FGF12: variants seen among roughly 807,000 people sequenced by gnomAD.
FGF12 encodes the protein fibroblast growth factor 12B.
Under a neutral mutation model 23.6 loss-of-function variants are expected in FGF12, and 14 were observed. The observed-to-expected ratio is 0.59, with a 90% CI of 0.39 to 0.93. The LOEUF (loss-of-function observed/expected upper bound fraction) is 0.93. FGF12 is among the 40% of genes least tolerant of loss of function. FGF12 has a pLI of 0.00. For synonymous variants in FGF12, 62 were observed against 77.3 expected, an observed-to-expected ratio of 0.80 and a Z score of 1.04; for missense variants, 175 against 217.8, an observed-to-expected ratio of 0.80 and a Z score of 1.24.
intron 2 of FGF12, among the ~76,000 whole-genome samples, chr3:192,675,704 A>G (rs943892738): frequency 6.6e-6 from 1 of 152,238 alleles, no homozygotes; most frequent in African/African-American, 2.4e-5. Context: ...TTGAAGAATA[A>G]TGCTCAAAGG....
chr3:192,240,139 C>T (rs1052688302), intron 4 of FGF12, among the ~76,000 whole-genome samples: 11 of 152,120 alleles, frequency 7.2e-5, no homozygotes, highest in African/African-American at 2.7e-4. Flanking sequence ...ATGCTGAAGG[C>T]TCAGAGGAAA....
chr3:192,187,919 C>T (rs370475647), intron 4 of FGF12, among the ~76,000 whole-genome samples: 13 of 152,140 alleles, frequency 8.5e-5, no homozygotes, highest in East Asian at 1.9e-4. Context: ...TACCATATCA[C>T]GGAAATAAAC....
At chr3:192,418,485 C>T (rs1721422874) in intron 2 of FGF12, among the ~76,000 whole-genome samples, 1 of 152,000 alleles carries the variant, frequency 6.6e-6, no homozygotes, top group Non-Finnish European at 1.5e-5. Context: ...CTCTGCGTTC[C>T]AATTATAGGT....
chr3:192,636,940 G>A (rs1715604830), intron 2 of FGF12, among the ~76,000 whole-genome samples: 1 of 152,152 alleles, frequency 6.6e-6, no homozygotes, highest in Non-Finnish European at 1.5e-5. Flanking sequence ...GATTAGGGAG[G>A]TGGGAGAAGG....
chr3:192,256,371 CCG>C (rs1331599111), intron 4 of FGF12, among the ~76,000 whole-genome samples: 1 of 113,504 alleles, frequency 8.8e-6, no homozygotes, highest in Non-Finnish European at 1.7e-5. Flanking sequence ...ATTACTCATA[CCG>C]CACACACACA....
At chr3:192,213,092 A>C (rs925329735) in intron 4 of FGF12, among the ~76,000 whole-genome samples, 22 of 152,234 alleles carry the variant, frequency 1.4e-4, no homozygotes, top group African/African-American at 5.3e-4. Flanking sequence ...AGTTCTGCAC[A>C]AGAAGGTTCC....
At chr3:192,372,629 C>G (rs564415833) in intron 2 of FGF12, among the ~76,000 whole-genome samples, 3 of 152,284 alleles carry the variant, frequency 2.0e-5, no homozygotes, top group African/African-American at 7.2e-5. Context: ...ATCCGCACTG[C>G]CTCCACCTTT....
At chr3:192,512,929 T>C (rs1192579811) in intron 2 of FGF12, among the ~76,000 whole-genome samples, 1 of 147,228 alleles carries the variant, frequency 6.8e-6, no homozygotes, top group Non-Finnish European at 1.5e-5. Flanking sequence ...GGTAGTGACT[T>C]ATTGAGAATG....
At position 192,267,059 on chromosome 3, in the gene FGF12, C is replaced by T. The variant is rs186673002; in HGVS notation, c.228+68302G>A. The stretch of plus-strand genomic sequence containing the variant: ...TGCTAATTTAAATTTTTGGCACCTT[C>T]GATTACATGAAATCTAAAAGATTGC... On this transcript the variant is annotated intron_variant, in intron 4 of 5. Transcript: ENST00000445105. 1.0e-3 allele frequency: 157 copies of T among 152,236 alleles called. 1 individual carries two copies. Among genetic ancestry groups the T allele is most frequent in the African/African-American group, 3.5e-3 (146 of 41,552 alleles). The allele number at this position is 152,236 out of a possible 1,614,324, so 9.4% of individuals were successfully genotyped here. A position where few individuals can be genotyped will look rare whatever the true frequency, so the allele number is the denominator to read the frequency against.
At chr3:192,259,729 C>T (rs1161248103) in intron 4 of FGF12, among the ~76,000 whole-genome samples, 1 of 151,756 alleles carries the variant, frequency 6.6e-6, no homozygotes, top group Non-Finnish European at 1.5e-5. Context: ...TTATAAGATA[C>T]AAAAAGACAA....
intron 3 of FGF12, among the ~76,000 whole-genome samples, chr3:192,350,621 G>A (rs553198550): frequency 2.6e-5 from 4 of 152,258 alleles, no homozygotes; most frequent in South Asian, 4.1e-4. Context: ...CCAGAAAGAG[G>A]GGGATAGCTG....
chr3:192,194,287 C>G (rs1255986972), intron 4 of FGF12, among the ~76,000 whole-genome samples: 1 of 152,180 alleles, frequency 6.6e-6, no homozygotes, highest in Non-Finnish European at 1.5e-5. Context: ...CTTTGGCACA[C>G]TGACCCAGTG....
intron 2 of FGF12, among the ~76,000 whole-genome samples, chr3:192,713,395 CA>C (rs1369455320): frequency 6.6e-6 from 1 of 151,802 alleles, no homozygotes; most frequent in East Asian, 1.9e-4. Context: ...GGAGAGAGGA[CA>C]AGAAAGTACT....
intron 2 of FGF12, among the ~76,000 whole-genome samples, chr3:192,723,846 AGT>A (rs142888284): frequency 0.02 from 2,551 of 128,504 alleles, 103 homozygotes; most frequent in African/African-American, 0.072. Context: ...GGGAGGTGAG[AGT>A]GTGTGTGTGT....
At chr3:192,392,473 G>GT (rs1157725487) in intron 2 of FGF12, among the ~76,000 whole-genome samples, 1 of 151,100 alleles carries the variant, frequency 6.6e-6, no homozygotes, top group African/African-American at 2.4e-5. Flanking sequence ...GCGCATGCCT[G>GT]TAATCCCAGC....
chr3:192,602,915 T>G (rs1714175155), intron 2 of FGF12, among the ~76,000 whole-genome samples: 1 of 152,070 alleles, frequency 6.6e-6, no homozygotes, highest in South Asian at 2.1e-4. Context: ...ATTCTCTCTA[T>G]AAATAGAATT....
intron 4 of FGF12, among the ~76,000 whole-genome samples, chr3:192,252,221 G>A (rs968167962): frequency 6.6e-6 from 1 of 151,778 alleles, no homozygotes; most frequent in African/African-American, 2.4e-5. Flanking sequence ...AGCACTTTGG[G>A]AGGCCAAGAT....
At chr3:192,622,629 T>C (rs1218975419) in intron 2 of FGF12, among the ~76,000 whole-genome samples, 3 of 152,178 alleles carry the variant, frequency 2.0e-5, no homozygotes, top group Admixed American at 1.3e-4. Flanking sequence ...GTTTACATAA[T>C]TGTAAACTAG....
chr3:192,214,534 T>TA (rs1718093471), intron 4 of FGF12, among the ~76,000 whole-genome samples: 1 of 152,214 alleles, frequency 6.6e-6, no homozygotes, highest in African/African-American at 2.4e-5. Flanking sequence ...ATATGTGTGT[T>TA]ACAGTAGAAA....
Sources: gnomAD v4.1 joint callset for allele counts (sites outside exome capture counted in the v4.1 genomes callset) on GRCh38, gnomAD v4.1.1 for gene constraint, MANE v1.5 for transcripts, NCBI Gene and HGNC (gene_info 2026-07-23, HGNC 2026-07-21) for gene names.